STARD3NL: variants seen among roughly 807,000 people sequenced by gnomAD.
STARD3NL encodes STARD3 N-terminal-like protein.
A neutral mutation model predicts 30.9 loss-of-function variants in STARD3NL; 17 were observed. The observed-to-expected ratio is 0.55, with a 90% CI of 0.38 to 0.82. STARD3NL has a LOEUF of 0.82. STARD3NL is among the 40% of genes least tolerant of loss of function. The probability of loss-of-function intolerance (pLI) is 0.00; values close to 1 mark genes in which losing one functional copy is unlikely to be tolerated. For missense variants in STARD3NL, 234 were observed against 277.6 expected, an observed-to-expected ratio of 0.84 and a Z score of 1.12; for synonymous variants, 112 against 100.5, an observed-to-expected ratio of 1.11 and a Z score of -0.69.
At chr7:38,188,098 C>T (rs1232695567) in intron 1 of STARD3NL, among the ~76,000 whole-genome samples, 1 of 152,220 alleles carries the variant, frequency 6.6e-6, no homozygotes, top group Non-Finnish European at 1.5e-5. Flanking sequence ...TTCAGCAGAG[C>T]CTCTTAAAAC....
intron 6 of STARD3NL, among the ~76,000 whole-genome samples, chr7:38,217,801 G>T (rs946621096): frequency 3.3e-5 from 5 of 152,174 alleles, no homozygotes; most frequent in Non-Finnish European, 7.3e-5. Flanking sequence ...GGCTTCAGAT[G>T]GGCCTCTGTT....
intron 1 of STARD3NL, among the ~76,000 whole-genome samples, chr7:38,186,986 C>G (rs912326938): frequency 6.6e-6 from 1 of 151,738 alleles, no homozygotes; most frequent in Non-Finnish European, 1.5e-5. Context: ...ATAGAGACCC[C>G]GTTGTTTCAG....
At chr7:38,189,090 A>C (rs893302410) in intron 1 of STARD3NL, among the ~76,000 whole-genome samples, 5 of 151,978 alleles carry the variant, frequency 3.3e-5, no homozygotes, top group Non-Finnish European at 5.9e-5. Context: ...ACTACAAAAC[A>C]ATGACCAAAC....
In STARD3NL at chr7:38,187,095, G is replaced by A. The variant is rs141312545; in HGVS notation, c.-59+8675G>A. 2.3e-3 allele frequency among the ~76,000 whole-genome samples: 353 copies of A among 151,784 alleles called. 3 individuals are homozygous for A. Among genetic ancestry groups the A allele is most frequent in the African/African-American group, 8.1e-3 (335 of 41,410 alleles). On this transcript the variant is annotated intron_variant, in intron 1 of 8. Coordinates refer to ENST00000009041, the MANE Select transcript of STARD3NL (RefSeq NM_032016.4). ...AGGGCCCATCTTGAGAGAGACTTGC[G>A]TTGAACGAGTGGTGAGACCCAGCTC...
intron 1 of STARD3NL, among the ~76,000 whole-genome samples, chr7:38,178,822 G>A (rs1371340746): frequency 6.6e-6 from 1 of 151,732 alleles, no homozygotes; most frequent in Non-Finnish European, 1.5e-5. Context: ...TCCAGACACA[G>A]GCGGTTGTGA....
intron 1 of STARD3NL, among the ~76,000 whole-genome samples, chr7:38,187,005 G>C (rs1203696840): frequency 6.6e-6 from 1 of 151,754 alleles, no homozygotes; most frequent in African/African-American, 2.4e-5. Context: ...AGTTACTTTG[G>C]GCTACCTGAC....
At chr7:38,221,056 G>A (rs1438285434) in intron 7 of STARD3NL, among the ~76,000 whole-genome samples, 1 of 152,210 alleles carries the variant, frequency 6.6e-6, no homozygotes, top group Non-Finnish European at 1.5e-5. Flanking sequence ...CAAAAGGACT[G>A]TCGTATGATT....
Position 38,226,152 on chromosome 7 carries a change from G to GTTTTTTT in STARD3NL, c.650-2631_650-2625dup, listed in dbSNP as rs11286474. Among the ~76,000 whole-genome samples, 105 of 102,418 alleles carry GTTTTTTT rather than the reference G, an allele frequency of 1.0e-3. 1 individual carries two copies. The highest frequency in any genetic ancestry group is 1.5e-3 in the Non-Finnish European group (80 of 52,330). 67.2% of individuals were successfully genotyped at this position (102,418 alleles called of 152,430 possible). A position where few individuals can be genotyped will look rare whatever the true frequency, so the allele number is the denominator to read the frequency against. On this transcript the variant is annotated intron_variant, in intron 7 of 8. Coordinates refer to ENST00000009041, the MANE Select transcript of STARD3NL (RefSeq NM_032016.4). ...ACTTTCTTGAATCTTTGCCTATCTT[G>GTTTTTTT]TTTTTTTTTTTTTTTTTTTTTTGAT...
intron 1 of STARD3NL, among the ~76,000 whole-genome samples, chr7:38,194,596 T>C (rs570498706): frequency 4.8e-4 from 73 of 152,280 alleles, no homozygotes; most frequent in African/African-American, 1.7e-3. Flanking sequence ...CAGCTTTCCA[T>C]TGTTTTTACT....
At chr7:38,183,025 G>A (rs1054168068) in intron 1 of STARD3NL, among the ~76,000 whole-genome samples, 18 of 152,068 alleles carry the variant, frequency 1.2e-4, no homozygotes, top group African/African-American at 4.3e-4. Context: ...TTTGTTTCAG[G>A]AAAATATATT....
chr7:38,199,141 A>G (rs1408573307), intron 1 of STARD3NL, among the ~76,000 whole-genome samples: 1 of 152,188 alleles, frequency 6.6e-6, no homozygotes, highest in Non-Finnish European at 1.5e-5. Flanking sequence ...CTTCACTCCC[A>G]TACTTCCCAC....
At chr7:38,226,257 A>G (rs1786763330) in intron 7 of STARD3NL, among the ~76,000 whole-genome samples, 1 of 99,968 alleles carries the variant, frequency 1.0e-5, no homozygotes, top group African/African-American at 3.9e-5. Context: ...CTCTTTGTTT[A>G]GTAAAGAGCT....
chr7:38,221,929 C>T (rs1328667839), intron 7 of STARD3NL, among the ~76,000 whole-genome samples: 1 of 152,168 alleles, frequency 6.6e-6, no homozygotes, highest in African/African-American at 2.4e-5. Context: ...TCACATGTTC[C>T]CATGTTCTTC....
chr7:38,183,991 T>G (rs1360917912), intron 1 of STARD3NL, among the ~76,000 whole-genome samples: 1 of 152,224 alleles, frequency 6.6e-6, no homozygotes, highest in Non-Finnish European at 1.5e-5. Flanking sequence ...TTAAACTAAT[T>G]GAATACCTAA....
chr7:38,190,732 G>A (rs1417306096), intron 1 of STARD3NL, among the ~76,000 whole-genome samples: 3 of 152,092 alleles, frequency 2.0e-5, no homozygotes, highest in South Asian at 2.1e-4. Flanking sequence ...TGTGATGCTC[G>A]TGTCTCTTTA....
chr7:38,215,333 C>A, intron 4 of STARD3NL: 1 of 506,834 alleles, frequency 2.0e-6, no homozygotes, highest in Non-Finnish European at 3.5e-6. Context: ...AATGAGGAAT[C>A]TAGAAGCCCA....
intron 2 of STARD3NL, among the ~76,000 whole-genome samples, chr7:38,211,956 T>G (rs1397114883): frequency 6.6e-6 from 1 of 152,096 alleles, no homozygotes; most frequent in African/African-American, 2.4e-5. Context: ...TTTCTCCTTT[T>G]CCACTGTTTC....
At chr7:38,227,285 A>G (rs1786825452) in intron 7 of STARD3NL, among the ~76,000 whole-genome samples, 1 of 152,168 alleles carries the variant, frequency 6.6e-6, no homozygotes, top group Admixed American at 6.5e-5. Context: ...ATCTGATGTG[A>G]CCATCTTCCT....
intron 6 of STARD3NL, among the ~76,000 whole-genome samples, chr7:38,218,956 G>A (rs559195806): frequency 1.1e-4 from 17 of 152,250 alleles, no homozygotes; most frequent in African/African-American, 3.6e-4. Context: ...CCAGCAGACC[G>A]TTTGTAGGAA....
Sources: allele counts gnomAD v4.1 joint callset (sites outside exome capture counted in the v4.1 genomes callset), GRCh38; gene constraint gnomAD v4.1.1; transcripts MANE v1.5; gene names NCBI Gene and HGNC (gene_info 2026-07-23, HGNC 2026-07-21).